The following MAP2K6 variants were observed in gnomAD, a reference collection of about 807,000 sequenced individuals.
MAP2K6 encodes dual specificity mitogen-activated protein kinase kinase 6.
Under a neutral mutation model 53.7 loss-of-function variants are expected in MAP2K6, and 16 were observed. That is an observed-to-expected ratio of 0.30 (90% CI 0.20 to 0.45). MAP2K6 has a LOEUF of 0.45. Ranked by LOEUF, MAP2K6 falls within the 20% of genes least tolerant of loss-of-function variation. The probability of loss-of-function intolerance (pLI) is 1.00; values close to 1 mark genes in which losing one functional copy is unlikely to be tolerated. For synonymous variants in MAP2K6, 132 were observed against 143.1 expected (o/e 0.92, Z 0.55); for missense variants, 204 against 411.9 (o/e 0.50, Z 4.37).
chr17:69,434,797 A>G (rs1906584355), intron 1 of MAP2K6: 2 of 152,146 alleles, frequency 1.3e-5, no homozygotes, highest in Non-Finnish European at 2.9e-5. Flanking sequence ...AGTTATCTAT[A>G]TTTTTAACAA....
At chr17:69,486,361 A>C (rs1477010001) in intron 1 of MAP2K6, among the ~76,000 whole-genome samples, 1 of 152,208 alleles carries the variant, frequency 6.6e-6, no homozygotes, top group African/African-American at 2.4e-5. Flanking sequence ...CCCTGTACAG[A>C]AAATGCCCTG....
chr17:69,482,271 A>G (rs1908373999), intron 1 of MAP2K6, among the ~76,000 whole-genome samples: 1 of 152,040 alleles, frequency 6.6e-6, no homozygotes, highest in Admixed American at 6.6e-5. Flanking sequence ...TTTGCTATTA[A>G]CTATTTTCTG....
intron 1 of MAP2K6, among the ~76,000 whole-genome samples, chr17:69,420,190 CT>C (rs1244447111): frequency 2.0e-5 from 3 of 152,144 alleles, no homozygotes; most frequent in Admixed American, 2.0e-4. Context: ...AAATTCCAGT[CT>C]GAGAAATAGC....
intron 1 of MAP2K6, among the ~76,000 whole-genome samples, chr17:69,449,669 G>C (rs1388353202): frequency 8.0e-6 from 1 of 125,310 alleles, no homozygotes; most frequent in Non-Finnish European, 1.6e-5. Context: ...CTAGAGTGCA[G>C]TGGCGCGATC....
chr17:69,424,984 G>T (rs1247472741), intron 1 of MAP2K6, among the ~76,000 whole-genome samples: 1 of 152,208 alleles, frequency 6.6e-6, no homozygotes, highest in Non-Finnish European at 1.5e-5. Context: ...TCTGTAGGTT[G>T]TATCACACAG....
chr17:69,552,339 A>G lies in MAP2K6; in HGVS notation c.*10586A>G, dbSNP rs7219156. ...TTCAAAACCCACCTCCAGCACTTCA[A>G]AGTAGTGTCTCTGGAGAGTTTAAAA... On this transcript the variant is annotated 3_prime_UTR_variant, in exon 12 of 12. Coordinates refer to ENST00000590474, the MANE Select transcript of MAP2K6 (RefSeq NM_002758.4). 0.21 allele frequency: 32,493 copies of G among 152,088 alleles called. 4,180 individuals are homozygous for G. The highest frequency in any genetic ancestry group is 0.36 in the African/African-American group (14,860 of 41,450). The allele number at this position is 152,088 out of a possible 1,614,324, so 9.4% of individuals were successfully genotyped here.
intron 1 of MAP2K6, among the ~76,000 whole-genome samples, chr17:69,504,118 A>C (rs924354804): frequency 6.6e-6 from 1 of 151,430 alleles, no homozygotes; most frequent in African/African-American, 2.4e-5. Flanking sequence ...AAGTCACTGA[A>C]GTCTTTGGAT....
rs182143539 is a variant in MAP2K6 at position 69,430,989 on chromosome 17, G to A, written c.16+15989G>A. The stretch of plus-strand genomic sequence containing the variant: ...CGTATCAAGAACCTGGACAATTTTC[G>A]TACCCTTTGATCCAGCATTTTTATT... On this transcript the variant is annotated intron_variant, in intron 1 of 11. Coordinates refer to ENST00000590474, the MANE Select transcript of MAP2K6 (RefSeq NM_002758.4). Among the ~76,000 whole-genome samples, 540 of 152,274 alleles carry A rather than the reference G, an allele frequency of 3.5e-3. 9 individuals are homozygous for A. Among genetic ancestry groups the A allele is most frequent in the African/African-American group, 0.012 (508 of 41,558 alleles).
chr17:69,464,527 G>A (rs1247863377), intron 1 of MAP2K6, among the ~76,000 whole-genome samples: 3 of 151,816 alleles, frequency 2.0e-5, no homozygotes, highest in Non-Finnish European at 2.9e-5. Flanking sequence ...GACTACAGGC[G>A]TGCGCCGCCA....
chr17:69,440,988 ATATGTGTGTGTGTGTG>A (rs1277971753), intron 1 of MAP2K6, among the ~76,000 whole-genome samples: 1 of 152,012 alleles, frequency 6.6e-6, no homozygotes, highest in African/African-American at 2.4e-5. Flanking sequence ...GAGTGTGTAT[ATATGTGTGTGTGTGTG>A]TATGTGTGTG....
chr17:69,540,272 G>A (rs1911550367), intron 11 of MAP2K6, among the ~76,000 whole-genome samples: 1 of 152,202 alleles, frequency 6.6e-6, no homozygotes, highest in African/African-American at 2.4e-5. Context: ...AGGGGAAACA[G>A]AGTGAGTCAC....
intron 1 of MAP2K6, among the ~76,000 whole-genome samples, chr17:69,478,412 G>T (rs1403922615): frequency 6.6e-6 from 1 of 152,050 alleles, no homozygotes; most frequent in South Asian, 2.1e-4. Flanking sequence ...GGAGTAGGGG[G>T]CTAGCTCTCA....
chr17:69,487,403 T>G (rs1431565304), intron 1 of MAP2K6, among the ~76,000 whole-genome samples: 1 of 152,220 alleles, frequency 6.6e-6, no homozygotes, highest in African/African-American at 2.4e-5. Flanking sequence ...GTGCCTTGCA[T>G]GTAACACATA....
At position 69,533,882 on chromosome 17, in the gene MAP2K6, C is replaced by T. The variant is rs903089848; in HGVS notation, c.882-2233C>T. Among the ~76,000 whole-genome samples the T allele has an allele frequency of 5.3e-5, 8 of 151,900 alleles. No homozygotes were observed. The South Asian group carries it at 1.7e-3, about 32-fold the overall frequency. On this transcript the variant is annotated intron_variant, in intron 10 of 11. Coordinates refer to ENST00000590474, the MANE Select transcript of MAP2K6 (RefSeq NM_002758.4). ...GCTTCCTGGGGTTGAGGGCAGGAGA[C>T]GGTCGTGGTGAGAATGTGCTTAAAG...
chr17:69,474,102 A>G (rs935455044), intron 1 of MAP2K6, among the ~76,000 whole-genome samples: 4 of 152,226 alleles, frequency 2.6e-5, no homozygotes, highest in Non-Finnish European at 5.9e-5. Context: ...GGCCAGAGTG[A>G]TGTTAATGTG....
intron 1 of MAP2K6, among the ~76,000 whole-genome samples, chr17:69,499,211 G>A (rs543693392): frequency 1.3e-5 from 2 of 152,332 alleles, no homozygotes; most frequent in South Asian, 4.1e-4. Context: ...TAAATAACAC[G>A]AAAGAGGGAG....
At chr17:69,496,274 C>CTT (rs10676734) in intron 1 of MAP2K6, among the ~76,000 whole-genome samples, 5,661 of 140,310 alleles carry the variant, frequency 0.04, 295 homozygotes, top group East Asian at 0.23. Flanking sequence ...GCCTTCCCTT[C>CTT]TTTTTTTTTT....
At chr17:69,510,822 T>C (rs916778397) in intron 2 of MAP2K6, among the ~76,000 whole-genome samples, 6 of 151,936 alleles carry the variant, frequency 3.9e-5, no homozygotes, top group Non-Finnish European at 8.8e-5. Context: ...TCCCTGATAC[T>C]GATAATTTGT....
At chr17:69,425,259 A>G (rs112314682) in intron 1 of MAP2K6, among the ~76,000 whole-genome samples, 2,056 of 152,234 alleles carry the variant, frequency 0.014, 26 homozygotes, top group Non-Finnish European at 0.02. Flanking sequence ...TTTTTGTGGC[A>G]GAGGAGGTAG....
Sources: gnomAD v4.1 joint callset for allele counts (sites outside exome capture counted in the v4.1 genomes callset) on GRCh38, gnomAD v4.1.1 for gene constraint, MANE v1.5 for transcripts, NCBI Gene and HGNC (gene_info 2026-07-23, HGNC 2026-07-21) for gene names.